The following CDH12 variants were observed in gnomAD, a reference collection of about 807,000 sequenced individuals.
The protein encoded by CDH12 is cadherin-12.
In CDH12, 41 loss-of-function variants were observed where a neutral mutation model predicts 74.1. The observed-to-expected ratio is 0.55, with a 90% CI of 0.43 to 0.72. The LOEUF (loss-of-function observed/expected upper bound fraction) is 0.72. Among genes scored for constraint, CDH12 ranks in the 30% least tolerant of loss-of-function variants. The probability of loss-of-function intolerance (pLI) is 0.00; values close to 1 mark genes in which losing one functional copy is unlikely to be tolerated. For missense variants in CDH12, 945 were observed against 977.2 expected (o/e 0.97, Z 0.44); for synonymous variants, 399 against 355.0 (o/e 1.12, Z -1.39).
chr5:22,474,843 A>G (rs995381104), intron 2 of CDH12, among the ~76,000 whole-genome samples: 3 of 152,082 alleles, frequency 2.0e-5, no homozygotes, highest in Non-Finnish European at 4.4e-5. Flanking sequence ...TTCAGGAACC[A>G]AGCCATAGTA....
At chr5:22,494,126 C>T (rs770679150) in intron 2 of CDH12, among the ~76,000 whole-genome samples, 4 of 152,162 alleles carry the variant, frequency 2.6e-5, no homozygotes, top group Non-Finnish European at 4.4e-5. Context: ...TCAGAAAATA[C>T]CTTTTGTTCG....
At chr5:22,734,977 C>T (rs1322329219) in intron 1 of CDH12, among the ~76,000 whole-genome samples, 2 of 151,786 alleles carry the variant, frequency 1.3e-5, no homozygotes, top group African/African-American at 2.4e-5. Context: ...GAATATTATT[C>T]CTTCTTGGCC....
intron 1 of CDH12, among the ~76,000 whole-genome samples, chr5:22,603,785 G>C (rs1190682302): frequency 2.0e-5 from 3 of 152,164 alleles, no homozygotes; most frequent in African/African-American, 4.8e-5. Context: ...GGGTTCAAAA[G>C]AGAAAAAGAG....
At chr5:22,257,366 T>A (rs1191754102) in intron 3 of CDH12, among the ~76,000 whole-genome samples, 1 of 151,986 alleles carries the variant, frequency 6.6e-6, no homozygotes, top group Non-Finnish European at 1.5e-5. Context: ...AAATTAAAAA[T>A]CGAGAAAAGC....
chr5:21,821,677 T>G (rs1748377358), intron 8 of CDH12, among the ~76,000 whole-genome samples: 1 of 151,926 alleles, frequency 6.6e-6, no homozygotes, highest in South Asian at 2.1e-4. Flanking sequence ...ATGAAAATGT[T>G]AAACATTTTT....
intron 6 of CDH12, among the ~76,000 whole-genome samples, chr5:21,954,795 G>A (rs1037406561): frequency 5.3e-5 from 8 of 152,038 alleles, no homozygotes; most frequent in African/African-American, 1.9e-4. Context: ...ATTGAATTGA[G>A]GGTTGTCTTG....
chr5:22,327,918 T>C (rs557963638), intron 3 of CDH12, among the ~76,000 whole-genome samples: 1 of 152,338 alleles, frequency 6.6e-6, no homozygotes, highest in South Asian at 2.1e-4. Context: ...TAAATGTAAA[T>C]GTATCATAGT....
intron 5 of CDH12, among the ~76,000 whole-genome samples, chr5:21,978,030 A>ACAT (rs1292307185): frequency 2.0e-5 from 3 of 152,238 alleles, no homozygotes; most frequent in Non-Finnish European, 2.9e-5. Flanking sequence ...TAAATAAATG[A>ACAT]CATTGGCTCT....
intron 5 of CDH12, among the ~76,000 whole-genome samples, chr5:22,005,800 A>G (rs1736916680): frequency 6.6e-6 from 1 of 152,084 alleles, no homozygotes. Flanking sequence ...CAGTCCTTCA[A>G]TTATTTTTTC....
intron 1 of CDH12, among the ~76,000 whole-genome samples, chr5:22,601,213 G>A (rs549098575): frequency 4.0e-5 from 6 of 151,796 alleles, no homozygotes; most frequent in Non-Finnish European, 8.8e-5. Flanking sequence ...AAGGGTACAT[G>A]TGCAGTTTTG....
At chr5:22,232,186 T>C (rs1247439555) in intron 3 of CDH12, among the ~76,000 whole-genome samples, 2 of 151,860 alleles carry the variant, frequency 1.3e-5, no homozygotes, top group African/African-American at 4.8e-5. Context: ...GCTTAGTTTG[T>C]ATTTAATCTT....
intron 1 of CDH12, among the ~76,000 whole-genome samples, chr5:22,775,789 T>G (rs1328920808): frequency 2.6e-5 from 4 of 152,174 alleles, no homozygotes; most frequent in Non-Finnish European, 5.9e-5. Flanking sequence ...GGTTTGACTG[T>G]GTCCCCGCCC....
intron 1 of CDH12, among the ~76,000 whole-genome samples, chr5:22,691,895 A>AAG (rs1398011934): frequency 6.6e-6 from 1 of 152,198 alleles, no homozygotes; most frequent in Non-Finnish European, 1.5e-5. Context: ...AGGAAGAGAA[A>AAG]AGGTAAGAGG....
chr5:22,771,542 A>AT (rs1241485716), intron 1 of CDH12, among the ~76,000 whole-genome samples: 2 of 152,136 alleles, frequency 1.3e-5, no homozygotes, highest in South Asian at 2.1e-4. Flanking sequence ...TATTACTCCT[A>AT]TAACTGAAAA....
intron 1 of CDH12, among the ~76,000 whole-genome samples, chr5:22,662,714 T>C (rs578217250): frequency 3.3e-5 from 5 of 152,240 alleles, no homozygotes; most frequent in Non-Finnish European, 7.3e-5. Context: ...TGTCAGCTGT[T>C]GCATTCCCTA....
At chr5:21,970,336 G>A (rs918538722) in intron 6 of CDH12, among the ~76,000 whole-genome samples, 2 of 152,120 alleles carry the variant, frequency 1.3e-5, no homozygotes, top group African/African-American at 4.8e-5. Context: ...TACTAATTGA[G>A]GGGCTCTCTG....
chr5:21,838,988 C>T (rs866950697), intron 8 of CDH12, among the ~76,000 whole-genome samples: 1 of 152,292 alleles, frequency 6.6e-6, no homozygotes, highest in South Asian at 2.1e-4. Context: ...CCTAATAATA[C>T]ACTGGCTATT....
intron 3 of CDH12, among the ~76,000 whole-genome samples, chr5:22,337,031 TGTGACC>T (rs1362092954): frequency 6.6e-6 from 1 of 152,218 alleles, no homozygotes; most frequent in Non-Finnish European, 1.5e-5. Flanking sequence ...CTTGCATAAG[TGTGACC>T]TGAATGGGAG....
intron 1 of CDH12, chr5:22,580,383 TC>T (rs1740021883): frequency 2.1e-6 from 1 of 480,990 alleles, no homozygotes; most frequent in Non-Finnish European, 4.3e-6. Context: ...GTGCACGTGG[TC>T]CCCATCGTAG....
Sources: gnomAD v4.1 joint callset for allele counts (sites outside exome capture counted in the v4.1 genomes callset) on GRCh38, gnomAD v4.1.1 for gene constraint, MANE v1.5 for transcripts, NCBI Gene and HGNC (gene_info 2026-07-23, HGNC 2026-07-21) for gene names.